The following ABLIM2 variants were observed in gnomAD, a reference collection of about 807,000 sequenced individuals.
ABLIM2 encodes the protein actin binding LIM protein family member 2, also known as actin-binding LIM protein 2.
In ABLIM2, 53 loss-of-function variants were observed where a neutral mutation model predicts 97.7. That is an observed-to-expected ratio of 0.54 (90% CI 0.44 to 0.68). The LOEUF (loss-of-function observed/expected upper bound fraction) is 0.68, where lower values mean the gene tolerates loss of function less well. Ranked by LOEUF, ABLIM2 falls within the 30% of genes least tolerant of loss-of-function variation. The pLI, the probability that ABLIM2 is intolerant of heterozygous loss-of-function variation, is 0.00. For missense variants in ABLIM2, 835 were observed against 867.2 expected (o/e 0.96, Z 0.47); for synonymous variants, 361 against 345.8 (o/e 1.04, Z -0.49).
Position 7,999,703 on chromosome 4 carries a change from C to G in ABLIM2, c.1619-6776G>C, listed in dbSNP as rs1215427831. Among the ~76,000 whole-genome samples, 2 of 152,118 alleles carry G rather than the reference C, an allele frequency of 1.3e-5. No homozygotes were observed. The highest frequency in any genetic ancestry group is 2.9e-5 in the Non-Finnish European group (2 of 68,028). On this transcript the variant is annotated intron_variant, in intron 16 of 20. Coordinates refer to ENST00000447017, the MANE Select transcript of ABLIM2 (RefSeq NM_001130083.2). This position sits in a 1 kb window ranked among gnomAD's most constrained non-coding sequence, Gnocchi z 4.4. ...CCACAGGGAGAAGGCAGGTAGGGGG[C>G]CAGGAGCATGGCGGCAACTGGGTAG...
Position 8,068,283 on chromosome 4 carries a change from A to C in ABLIM2, c.676-7229T>G, listed in dbSNP as rs1162788444. ...AGACTTTGCAGTGAGTGGTTTTAGG[A>C]AGACATCTTGTGCCTTCTGAAGGGT... is the stretch of plus-strand genomic sequence containing the variant. On this transcript the variant is annotated intron_variant, in intron 6 of 20. Coordinates refer to ENST00000447017, the MANE Select transcript of ABLIM2 (RefSeq NM_001130083.2). This position sits in a 1 kb window ranked among gnomAD's most constrained non-coding sequence, Gnocchi z 4.5. Among the ~76,000 whole-genome samples, 1 of 152,182 alleles carries C rather than the reference A, an allele frequency of 6.6e-6. No homozygotes were observed. The highest frequency in any genetic ancestry group is 1.5e-5 in the Non-Finnish European group (1 of 68,030).
intron 4 of ABLIM2, among the ~76,000 whole-genome samples, chr4:8,084,050 A>C (rs1369863183): frequency 6.6e-6 from 1 of 151,868 alleles, no homozygotes; most frequent in African/African-American, 2.4e-5. Context: ...AGTAGGGGGG[A>C]GTCTCAGATT....
At chr4:8,091,012 T>C (rs1827015970) in intron 3 of ABLIM2, among the ~76,000 whole-genome samples, 1 of 151,714 alleles carries the variant, frequency 6.6e-6, no homozygotes, top group Non-Finnish European at 1.5e-5. Context: ...TTTCTGATCA[T>C]ATGCTAAGTG....
At position 8,004,157 on chromosome 4, in the gene ABLIM2, C is replaced by A. The variant is rs185625036; in HGVS notation, c.1618+3902G>T. On this transcript the variant is annotated intron_variant, in intron 16 of 20. Coordinates refer to ENST00000447017, the MANE Select transcript of ABLIM2 (RefSeq NM_001130083.2). The surrounding 1 kb of genome is among the most constrained non-coding windows in gnomAD (Gnocchi z 5.9). ...CTGCAGCAGGGTCGCTGTCTCCTAA[C>A]CCTCCCTCCCAACGGGCTCCGAGAC... Among the ~76,000 whole-genome samples the A allele has an allele frequency of 1.3e-5, 2 of 151,994 alleles. No individual in the cohort carries two copies. The highest frequency in any genetic ancestry group is 4.8e-5 in the African/African-American group (2 of 41,428).
rs574567795 is a variant in ABLIM2 at position 8,077,542 on chromosome 4, A to C, written c.675+86T>G. On this transcript the variant is annotated intron_variant, in intron 6 of 20. Transcript: ENST00000447017. ...CTGCAGCCAGACAGATTCTTGCACA[A>C]ACACACACAAATCTCCCAGTCAACT... is the stretch of plus-strand genomic sequence containing the variant. 1.1e-3 allele frequency: 1,455 copies of C among 1,290,964 alleles called. 3 individuals carry two copies. The highest frequency in any genetic ancestry group is 1.5e-3 in the Non-Finnish European group (1,402 of 923,872). 80.0% of individuals were successfully genotyped at this position (1,290,964 alleles called of 1,614,324 possible). A position where few individuals can be genotyped will look rare whatever the true frequency, so the allele number is the denominator to read the frequency against.
chr4:7,988,015 T>C lies in ABLIM2; in HGVS notation c.1681-3122A>G, dbSNP rs114572479. ...ACAAATGATTTAGCTGTCCCATTTG[T>C]TTACTACCTATTTTTATTTTATTTT... On this transcript the variant is annotated intron_variant, in intron 17 of 20. Coordinates refer to ENST00000447017, the MANE Select transcript of ABLIM2 (RefSeq NM_001130083.2). 4.1e-3 allele frequency among the ~76,000 whole-genome samples: 624 copies of C among 152,242 alleles called. 3 individuals are homozygous for C. The highest frequency in any genetic ancestry group is 0.013 in the African/African-American group (543 of 41,544).
intron 20 of ABLIM2, among the ~76,000 whole-genome samples, chr4:7,972,532 C>T (rs1011282183): frequency 6.6e-6 from 1 of 152,210 alleles, no homozygotes; most frequent in Non-Finnish European, 1.5e-5. Flanking sequence ...CAGCACTGTC[C>T]CATCCTCACT....
chr4:8,108,743 T>G (rs1382796650), intron 1 of ABLIM2, among the ~76,000 whole-genome samples: 1 of 152,178 alleles, frequency 6.6e-6, no homozygotes, highest in Admixed American at 6.5e-5. Context: ...TCCTTTCCCC[T>G]CAGAGGCTTC....
Position 8,130,008 on chromosome 4 carries a change from C to T in ABLIM2, c.11-23371G>A, listed in dbSNP as rs968416333. 1.3e-5 allele frequency among the ~76,000 whole-genome samples: 2 copies of T among 152,240 alleles called. No homozygotes were observed. The highest frequency in any genetic ancestry group is 2.9e-5 in the Non-Finnish European group (2 of 68,050). The stretch of plus-strand genomic sequence containing the variant: ...GCTAGTCAGCACAGCTGGTGCCCTG[C>T]GGGCTCCCAGCACTCAGCACTGCCT... On this transcript the variant is annotated intron_variant, in intron 1 of 20. Coordinates refer to ENST00000447017, the MANE Select transcript of ABLIM2 (RefSeq NM_001130083.2). This position sits in a 1 kb window ranked among gnomAD's most constrained non-coding sequence, Gnocchi z 4.2.
At chr4:8,138,109 G>A (rs1850435486) in intron 1 of ABLIM2, among the ~76,000 whole-genome samples, 1 of 152,192 alleles carries the variant, frequency 6.6e-6, no homozygotes, top group Non-Finnish European at 1.5e-5. Context: ...GGCCCCTAGA[G>A]TTGTTGAATC....
chr4:7,965,339 G>A lies in ABLIM2; in HGVS notation c.*1651C>T, dbSNP rs1350101236. On this transcript the variant is annotated 3_prime_UTR_variant, in exon 21 of 21. Transcript: ENST00000447017. ...GTACTTCCGCAAGTTATAATGCATCGTCTTTTATTTTCCAGGCTTCCTGGG... is the reference window on the plus strand; with the variant it reads ...GTACTTCCGCAAGTTATAATGCATCATCTTTTATTTTCCAGGCTTCCTGGG... The A allele has an allele frequency of 1.3e-5, 2 of 152,678 alleles. No individual in the cohort carries two copies. The highest frequency in any genetic ancestry group is 2.9e-5 in the Non-Finnish European group (2 of 68,062). 9.5% of individuals were successfully genotyped at this position (152,678 alleles called of 1,614,324 possible).
chr4:7,984,709 A>G (rs546108616), intron 18 of ABLIM2, 130 bp downstream of exon 18: 179 of 975,538 alleles, frequency 1.8e-4, no homozygotes, highest in Non-Finnish European at 2.6e-4. Flanking sequence ...CCCTCCCCCG[A>G]GGTGTCCCCG....
chr4:8,011,167 T>C (rs1458635323), intron 14 of ABLIM2, among the ~76,000 whole-genome samples: 1 of 152,240 alleles, frequency 6.6e-6, no homozygotes, highest in Non-Finnish European at 1.5e-5. Context: ...CTTCAGGGAC[T>C]TTCCTTGGCC....
In ABLIM2 at chr4:8,097,243, C is replaced by G. The variant is rs749084388; in HGVS notation, c.194G>C (p.Arg65Pro). The change falls in exon 3 of 21, where the codon CGG becomes CCG. Residue 65 changes from arginine to proline, a missense_variant. Coordinates refer to ENST00000447017, the MANE Select transcript of ABLIM2 (RefSeq NM_001130083.2). ...CAGCGTGCAGATGTACTCGCCCTGCCGCACGAAGAAGCCGCCCTCGGCCAG... is the reference window on the plus strand; with the variant it reads ...CAGCGTGCAGATGTACTCGCCCTGCGGCACGAAGAAGCCGCCCTCGGCCAG... ...CDLAEGGFFVRQGEYICTLDY... is the reference protein window; with the variant it reads ...CDLAEGGFFVPQGEYICTLDY... 6.4e-7 allele frequency: 1 copy of G among 1,574,488 alleles called. No individual in the cohort carries two copies. The highest frequency in any genetic ancestry group is 8.6e-7 in the Non-Finnish European group (1 of 1,161,158).
intron 10 of ABLIM2, 141 bp from the exon 11 acceptor site, chr4:8,029,917 G>T: frequency 8.3e-7 from 1 of 1,200,226 alleles, no homozygotes; most frequent in Non-Finnish European, 1.1e-6. Context: ...GGAATCTCCT[G>T]CACCTGTCAG....
Position 8,043,404 on chromosome 4 carries a change from G to C in ABLIM2, c.900+1760C>G, listed in dbSNP as rs1473496712. Among the ~76,000 whole-genome samples the C allele has an allele frequency of 6.6e-6, 1 of 152,136 alleles. No individual in the cohort carries two copies. The highest frequency in any genetic ancestry group is 1.5e-5 in the Non-Finnish European group (1 of 68,022). On this transcript the variant is annotated intron_variant, in intron 9 of 20. Transcript: ENST00000447017. This position sits in a 1 kb window ranked among gnomAD's most constrained non-coding sequence, Gnocchi z 4.8. ...ATCATTATTCATGAGGATGATGATGGTATTATGGACTGAACTGTGTCTCCC... is the reference window on the plus strand; with the variant it reads ...ATCATTATTCATGAGGATGATGATGCTATTATGGACTGAACTGTGTCTCCC...
At chr4:7,977,790 C>CGATA (rs1734687905) in intron 20 of ABLIM2, among the ~76,000 whole-genome samples, 1 of 142,206 alleles carries the variant, frequency 7.0e-6, no homozygotes. Context: ...GACTCTGTCT[C>CGATA]AATAAATAAA....
chr4:8,119,411 T>C (rs1190908756), intron 1 of ABLIM2, among the ~76,000 whole-genome samples: 1 of 140,722 alleles, frequency 7.1e-6, no homozygotes, highest in Non-Finnish European at 1.5e-5. Context: ...CAGTGCAACC[T>C]CCGCTTCATG....
Position 8,087,062 on chromosome 4 carries a change from C to T in ABLIM2, c.454+1107G>A, listed in dbSNP as rs934902410. ...GAATCGCCTCTGTAGAGACTCTCAA[C>T]GCAGCAGACAAGGTGGGGGAGAAAG... On this transcript the variant is annotated intron_variant, in intron 4 of 20. Coordinates refer to ENST00000447017, the MANE Select transcript of ABLIM2 (RefSeq NM_001130083.2). The surrounding 1 kb of genome is among the most constrained non-coding windows in gnomAD (Gnocchi z 4.6). 2.6e-5 allele frequency among the ~76,000 whole-genome samples: 4 copies of T among 152,152 alleles called. No individual in the cohort carries two copies. The highest frequency in any genetic ancestry group is 6.5e-5 in the Admixed American group (1 of 15,282).
Sources: allele counts gnomAD v4.1 joint callset (sites outside exome capture counted in the v4.1 genomes callset), GRCh38; gene constraint gnomAD v4.1.1; non-coding constraint Gnocchi (gnomAD v3.1); transcripts MANE v1.5; gene names NCBI Gene and HGNC (gene_info 2026-07-23, HGNC 2026-07-21).